The following FER variants were observed in gnomAD, a reference collection of about 807,000 sequenced individuals.
FER encodes the protein tyrosine-protein kinase Fer.
A neutral mutation model predicts 111.0 loss-of-function variants in FER; 63 were observed. The ratio of observed to expected loss-of-function variants is 0.57; its 90% CI spans 0.46 to 0.70. The LOEUF is 0.70. Ranked by LOEUF, FER falls within the 30% of genes least tolerant of loss-of-function variation. The pLI is 0.00. For missense variants in FER, 914 were observed against 954.0 expected, an observed-to-expected ratio of 0.96 and a Z score of 0.55; for synonymous variants, 327 against 313.9, an observed-to-expected ratio of 1.04 and a Z score of -0.44.
chr5:109,181,305 C>G (rs1410770874), intron 18 of FER, among the ~76,000 whole-genome samples: 1 of 152,150 alleles, frequency 6.6e-6, no homozygotes, highest in South Asian at 2.1e-4. Flanking sequence ...TAGTTTCTCA[C>G]TCTGAAATCG....
chr5:108,989,897 A>G (rs977234138), intron 13 of FER, among the ~76,000 whole-genome samples: 2 of 151,942 alleles, frequency 1.3e-5, no homozygotes, highest in African/African-American at 2.4e-5. Flanking sequence ...AGTTTGTACT[A>G]TATTCACCAA....
At chr5:109,186,050 C>CATTATACTGGGACCACTGTCATAT in intron 18 of FER, 150 bp from the exon 19 acceptor site, 1 of 1,099,484 alleles carries the variant, frequency 9.1e-7, no homozygotes, top group Non-Finnish European at 1.3e-6. Context: ...TTTTTAGCTC[C>CATTATACTGGGACCACTGTCATAT]ATTATACTGG....
intron 1 of FER, among the ~76,000 whole-genome samples, chr5:108,766,195 G>A (rs930108908): frequency 6.6e-6 from 1 of 152,166 alleles, no homozygotes; most frequent in South Asian, 2.1e-4. Context: ...GCCTCCCAAA[G>A]TGCTGACATT....
chr5:109,087,438 C>G (rs975987824), intron 16 of FER, among the ~76,000 whole-genome samples: 3 of 151,786 alleles, frequency 2.0e-5, no homozygotes, highest in African/African-American at 7.2e-5. Context: ...TCCCTTTGCT[C>G]TACTTATTCT....
At chr5:108,951,230 C>T (rs1757698826) in intron 11 of FER, among the ~76,000 whole-genome samples, 1 of 152,070 alleles carries the variant, frequency 6.6e-6, no homozygotes, top group Non-Finnish European at 1.5e-5. Context: ...CGCCATTGGA[C>T]TCCAGCCTGG....
At chr5:108,785,361 G>C (rs1448883019) in intron 2 of FER, 1 of 581,126 alleles carries the variant, frequency 1.7e-6, no homozygotes, top group South Asian at 1.5e-5. Context: ...GCTGCCATGG[G>C]CCCCAGCATC....
At chr5:109,080,479 T>C (rs182598002) in intron 16 of FER, among the ~76,000 whole-genome samples, 1 of 152,266 alleles carries the variant, frequency 6.6e-6, no homozygotes, top group African/African-American at 2.4e-5. Context: ...AAACAATGCA[T>C]TACCCATTTT....
intron 3 of FER, among the ~76,000 whole-genome samples, chr5:108,804,973 T>TG (rs1757044683): frequency 6.6e-6 from 1 of 152,022 alleles, no homozygotes; most frequent in African/African-American, 2.4e-5. Context: ...GTCTGCTTTT[T>TG]TTTTTTAATT....
At chr5:109,000,043 C>A (rs889814016) in intron 13 of FER, among the ~76,000 whole-genome samples, 4 of 151,638 alleles carry the variant, frequency 2.6e-5, no homozygotes, top group Admixed American at 2.6e-4. Flanking sequence ...TTGATTCTTT[C>A]TCTTTATATT....
rs116275352 is a variant in FER at position 108,906,215 on chromosome 5, G to A, written c.1236+8367G>A. Among the ~76,000 whole-genome samples the A allele has an allele frequency of 9.1e-3, 1,392 of 152,244 alleles. 23 individuals carry two copies. Among genetic ancestry groups the A allele is most frequent in the African/African-American group, 0.032 (1,326 of 41,546 alleles). ...GCTTGTCACTTAGTAAACTAGTATT[G>A]TCTAATATTTGATTATTTGATGAAA... is the stretch of plus-strand genomic sequence containing the variant. On this transcript the variant is annotated intron_variant, in intron 10 of 19. Transcript: ENST00000281092.
At chr5:109,083,350 G>T (rs1777202404) in intron 16 of FER, among the ~76,000 whole-genome samples, 1 of 151,914 alleles carries the variant, frequency 6.6e-6, no homozygotes, top group Non-Finnish European at 1.5e-5. Flanking sequence ...TAAGCATGCA[G>T]TCCCACATCA....
chr5:108,897,897 G>C, intron 10 of FER, 49 bp downstream of exon 10: 1 of 1,434,174 alleles, frequency 7.0e-7, no homozygotes, highest in Non-Finnish European at 9.4e-7. Flanking sequence ...TAGTGTCTAG[G>C]TAATAAGTGC....
intron 17 of FER, among the ~76,000 whole-genome samples, chr5:109,179,386 C>G (rs1758041701): frequency 6.8e-6 from 1 of 147,868 alleles, no homozygotes. Flanking sequence ...CTTAATATTT[C>G]TAGATTGTTT....
At chr5:108,814,856 G>T (rs1758122335) in intron 3 of FER, among the ~76,000 whole-genome samples, 1 of 152,118 alleles carries the variant, frequency 6.6e-6, no homozygotes, top group South Asian at 2.1e-4. Flanking sequence ...CATGTTTCTT[G>T]TGTGGTTTTC....
intron 13 of FER, among the ~76,000 whole-genome samples, chr5:109,035,515 A>G (rs1315344449): frequency 6.6e-6 from 1 of 152,114 alleles, no homozygotes; most frequent in Non-Finnish European, 1.5e-5. Flanking sequence ...AATGTACCAA[A>G]ATGTGTTTAT....
At chr5:109,070,139 T>C (rs2149991879) in intron 16 of FER, among the ~76,000 whole-genome samples, 2 of 152,142 alleles carry the variant, frequency 1.3e-5, no homozygotes, top group Middle Eastern at 6.8e-3. Flanking sequence ...GTTGATTTTT[T>C]TTTTTCATCT....
At position 109,062,295 on chromosome 5, in the gene FER, G is replaced by A. The variant is rs574864927; in HGVS notation, c.1924+15097G>A. 1.1e-3 allele frequency among the ~76,000 whole-genome samples: 174 copies of A among 152,182 alleles called. 1 individual carries two copies. The highest frequency in any genetic ancestry group is 4.1e-3 in the African/African-American group (169 of 41,516). On this transcript the variant is annotated intron_variant, in intron 16 of 19. Transcript: ENST00000281092. ...CCCAGCACTTTGGGCAGCCAAGGTG[G>A]GGTCGATCACTCGAGGCCGGGAGTT...
At chr5:108,854,030 A>G (rs1235046829) in intron 5 of FER, among the ~76,000 whole-genome samples, 1 of 152,196 alleles carries the variant, frequency 6.6e-6, no homozygotes, top group Non-Finnish European at 1.5e-5. Flanking sequence ...AATTCTGTAT[A>G]AACAATTAAT....
At chr5:108,941,224 A>G (rs1036371178) in intron 10 of FER, among the ~76,000 whole-genome samples, 14 of 152,190 alleles carry the variant, frequency 9.2e-5, no homozygotes, top group African/African-American at 3.1e-4. Context: ...GATTTAAACT[A>G]AAACTGTAGC....
Sources: allele counts gnomAD v4.1 joint callset (sites outside exome capture counted in the v4.1 genomes callset), GRCh38; gene constraint gnomAD v4.1.1; transcripts MANE v1.5; gene names NCBI Gene and HGNC (gene_info 2026-07-23, HGNC 2026-07-21).